Variants in NME5 observed in about 807,000 individuals in gnomAD.
The protein encoded by NME5 is NME/NM23 family member 5, also known as nucleoside diphosphate kinase 5.
In NME5, 18 loss-of-function variants were observed where a neutral mutation model predicts 21.6. That is an observed-to-expected ratio of 0.83 (90% CI 0.58 to 1.24). The LOEUF is 1.24. Ranked by LOEUF, NME5 falls within the 50% of genes most tolerant of loss-of-function variation. The pLI, the probability that NME5 is intolerant of heterozygous loss-of-function variation, is 0.00. For missense variants in NME5, 223 were observed against 255.4 expected, an observed-to-expected ratio of 0.87 and a Z score of 0.86; for synonymous variants, 70 against 80.6, an observed-to-expected ratio of 0.87 and a Z score of 0.71.
chr5:138,138,444 T>A, intron 2 of NME5: 1 of 447,832 alleles, frequency 2.2e-6, no homozygotes, highest in Non-Finnish European at 3.9e-6. Context: ...GGACTTGGGG[T>A]AAAAGAGGAC....
At chr5:138,124,221 T>A (rs1388905345) in intron 4 of NME5, among the ~76,000 whole-genome samples, 1 of 151,934 alleles carries the variant, frequency 6.6e-6, no homozygotes, top group South Asian at 2.1e-4. Context: ...CAGGTTGGTC[T>A]TGAATTCCTG....
At chr5:138,138,950 A>G (rs879770666) in intron 1 of NME5, 165 bp from the exon 2 acceptor site, 13 of 629,646 alleles carry the variant, frequency 2.1e-5, no homozygotes, top group Non-Finnish European at 3.5e-5. Context: ...GTTTTTCTAT[A>G]TACAGGGTCT....
At chr5:138,129,818 C>T (rs1751518922) in intron 2 of NME5, among the ~76,000 whole-genome samples, 1 of 151,992 alleles carries the variant, frequency 6.6e-6, no homozygotes, top group African/African-American at 2.4e-5. Flanking sequence ...ATTAGCCGGG[C>T]GGGCGGCATG....
chr5:138,137,721 C>T (rs544964779), intron 2 of NME5, among the ~76,000 whole-genome samples: 44 of 150,426 alleles, frequency 2.9e-4, no homozygotes, highest in Middle Eastern at 3.4e-3. Flanking sequence ...GTAAAAGAGG[C>T]GGGGTGCAGT....
At chr5:138,138,939 T>C in intron 1 of NME5, 154 bp from the exon 2 acceptor site, 1 of 683,312 alleles carries the variant, frequency 1.5e-6, no homozygotes, top group Non-Finnish European at 2.4e-6. Context: ...GAAACTGCCA[T>C]GTTTTTCTAT....
intron 2 of NME5, among the ~76,000 whole-genome samples, chr5:138,132,257 C>T (rs1043043279): frequency 1.3e-5 from 2 of 151,888 alleles, no homozygotes; most frequent in East Asian, 1.9e-4. Flanking sequence ...GGCTGAGGCA[C>T]GAGAATTGCT....
intron 4 of NME5, among the ~76,000 whole-genome samples, chr5:138,121,466 A>G (rs1751284467): frequency 6.6e-6 from 1 of 152,192 alleles, no homozygotes; most frequent in Non-Finnish European, 1.5e-5. Flanking sequence ...ACTCGCCATT[A>G]ATGTACACAG....
intron 4 of NME5, among the ~76,000 whole-genome samples, chr5:138,123,771 T>G (rs1006649948): frequency 6.6e-6 from 1 of 152,118 alleles, no homozygotes; most frequent in Non-Finnish European, 1.5e-5. Context: ...CATGTAACAG[T>G]TTTATTTTTA....
intron 2 of NME5, among the ~76,000 whole-genome samples, chr5:138,132,377 G>T (rs1443977093): frequency 6.6e-6 from 1 of 152,026 alleles, no homozygotes; most frequent in Admixed American, 6.6e-5. Context: ...ATTTATTACT[G>T]CTGTTTTTTC....
chr5:138,134,677 G>A, intron 2 of NME5, among the ~76,000 whole-genome samples: 1 of 151,728 alleles, frequency 6.6e-6, no homozygotes, highest in Non-Finnish European at 1.5e-5. Flanking sequence ...ACCACGGCCG[G>A]CTAATTTTTA....
chr5:138,118,895 A>G lies in NME5; in HGVS notation c.478T>C (p.Tyr160His). Residue 160 changes from tyrosine to histidine, a missense_variant, in exon 5 of 6, where the codon TAT becomes CAT. Coordinates refer to ENST00000265191, the MANE Select transcript of NME5 (RefSeq NM_003551.3). ...GTTGGCATTATATGTAAATTTAAAT[A>G]GTCCTTAGCAGCTTGTCCAATTGGA... ...PIPIGQAAKDYLNLHIMPTLL... is the reference protein window; with the variant it reads ...PIPIGQAAKDHLNLHIMPTLL... 6.2e-7 allele frequency: 1 copy of G among 1,613,366 alleles called. No homozygotes were observed. The highest frequency in any genetic ancestry group is 1.6e-4 in the Middle Eastern group (1 of 6,062).
chr5:138,116,749 A>T (rs530063435), intron 5 of NME5: 2 of 153,864 alleles, frequency 1.3e-5, no homozygotes, highest in South Asian at 4.1e-4. Flanking sequence ...AATGGTACCA[A>T]GCCCATTGGT....
At chr5:138,130,375 G>A (rs1478223597) in intron 2 of NME5, among the ~76,000 whole-genome samples, 1 of 152,052 alleles carries the variant, frequency 6.6e-6, no homozygotes, top group Non-Finnish European at 1.5e-5. Context: ...AGCAGACCCT[G>A]TATCAAACAA....
chr5:138,136,823 A>C (rs1751709270), intron 2 of NME5, among the ~76,000 whole-genome samples: 1 of 151,810 alleles, frequency 6.6e-6, no homozygotes, highest in African/African-American at 2.4e-5. Flanking sequence ...TGTATTTTTT[A>C]GTAGAGATGG....
chr5:138,136,923 A>C (rs1751711765), intron 2 of NME5, among the ~76,000 whole-genome samples: 1 of 151,800 alleles, frequency 6.6e-6, no homozygotes, highest in Admixed American at 6.6e-5. Context: ...GATTACAGGC[A>C]TGAGCCACCG....
Position 138,115,534 on chromosome 5 carries a change from ATAGT to A in NME5, c.*143_*146del, listed in dbSNP as rs1210860616. The A allele has an allele frequency of 2.0e-6, 1 of 487,936 alleles. No homozygotes were observed. The highest frequency in any genetic ancestry group is 3.5e-6 in the Non-Finnish European group (1 of 282,012). 30.2% of individuals were successfully genotyped at this position (487,936 alleles called of 1,614,324 possible). A position where few individuals can be genotyped will look rare whatever the true frequency, so the allele number is the denominator to read the frequency against. On this transcript the variant is annotated 3_prime_UTR_variant, in exon 6 of 6. Transcript: ENST00000265191. ...ACCTTAATGTTATCTGCTTCATAGAATAGTTATTCCTTTAACACTTATTTTTAAG... is the reference window on the plus strand; with the variant it reads ...ACCTTAATGTTATCTGCTTCATAGAATATTCCTTTAACACTTATTTTTAAG...
chr5:138,115,411 A>G lies in NME5; in HGVS notation c.*270T>C, dbSNP rs1307461903. 3 of 242,996 alleles carry G rather than the reference A, an allele frequency of 1.2e-5. No homozygotes were observed. The highest frequency in any genetic ancestry group is 2.3e-5 in the Non-Finnish European group (3 of 127,880). 15.1% of individuals were successfully genotyped at this position (242,996 alleles called of 1,614,324 possible). On this transcript the variant is annotated 3_prime_UTR_variant, in exon 6 of 6. Transcript: ENST00000265191. Reference sequence around the variant, plus strand: ...ACTAAACTTTATGTCTTACTTCTCAAACTTAAGAAAAACAAAAACATCTAG... The same window carrying G: ...ACTAAACTTTATGTCTTACTTCTCAGACTTAAGAAAAACAAAAACATCTAG...
At chr5:138,121,802 A>G (rs1045506292) in intron 4 of NME5, among the ~76,000 whole-genome samples, 1 of 152,160 alleles carries the variant, frequency 6.6e-6, no homozygotes, top group African/African-American at 2.4e-5. Flanking sequence ...CAGCTTGTCA[A>G]TGTCTACGTA....
chr5:138,125,609 C>T (rs530646097), intron 4 of NME5, among the ~76,000 whole-genome samples: 3 of 152,142 alleles, frequency 2.0e-5, no homozygotes, highest in South Asian at 2.1e-4. Flanking sequence ...AAGAAGAGAG[C>T]ATTACTTTTT....
Sources: gnomAD v4.1 joint callset for allele counts (sites outside exome capture counted in the v4.1 genomes callset) on GRCh38, gnomAD v4.1.1 for gene constraint, MANE v1.5 for transcripts, NCBI Gene and HGNC (gene_info 2026-07-23, HGNC 2026-07-21) for gene names.